CEP128: variants seen among roughly 807,000 people sequenced by gnomAD.
The protein encoded by CEP128 is centrosomal protein 128.
A neutral mutation model predicts 156.7 loss-of-function variants in CEP128; 132 were observed. The observed-to-expected ratio is 0.84, with a 90% CI of 0.73 to 0.97. The LOEUF is 0.97. CEP128 is among the 50% of genes least tolerant of loss of function. CEP128 has a pLI of 0.00. For missense variants in CEP128, 1,252 were observed against 1,281.9 expected (o/e 0.98, Z 0.36); for synonymous variants, 469 against 448.9 (o/e 1.04, Z -0.57).
intron 4 of CEP128, 55 bp downstream of exon 4, chr14:80,914,267 A>G: frequency 2.3e-6 from 3 of 1,315,972 alleles, no homozygotes; most frequent in Non-Finnish European, 2.2e-6. Context: ...TCCCCAAAAC[A>G]CTTCATTCCC....
chr14:80,844,261 G>A (rs955059236), intron 9 of CEP128, among the ~76,000 whole-genome samples: 1 of 151,854 alleles, frequency 6.6e-6, no homozygotes, highest in Non-Finnish European at 1.5e-5. Flanking sequence ...AAATAGCTAG[G>A]TGGGTATTAC....
intron 2 of CEP128, among the ~76,000 whole-genome samples, chr14:80,919,118 C>CTA (rs920092217): frequency 1.3e-5 from 2 of 152,044 alleles, no homozygotes; most frequent in Admixed American, 6.5e-5. Flanking sequence ...AATGTGCTTA[C>CTA]TATAATAGTT....
chr14:80,756,808 A>G (rs973343733), intron 18 of CEP128, 84 bp downstream of exon 18: 6 of 858,484 alleles, frequency 7.0e-6, no homozygotes, highest in African/African-American at 3.4e-5. Context: ...GTTCAGTTAC[A>G]TAACAAAATA....
intron 19 of CEP128, among the ~76,000 whole-genome samples, chr14:80,642,089 C>CAAAAAA (rs71103870): frequency 1.1e-5 from 1 of 91,516 alleles, no homozygotes; most frequent in Non-Finnish European, 2.0e-5. Context: ...GACTCCGTTT[C>CAAAAAA]AAAAAAAAAA....
intron 20 of CEP128, among the ~76,000 whole-genome samples, chr14:80,567,590 T>C (rs79468357): frequency 0.011 from 1,612 of 152,268 alleles, 11 homozygotes; most frequent in Non-Finnish European, 0.017. Flanking sequence ...TCAAGATTCT[T>C]CCTTTAAAGC....
chr14:80,650,731 C>A (rs1416286551), intron 19 of CEP128, among the ~76,000 whole-genome samples: 1 of 152,082 alleles, frequency 6.6e-6, no homozygotes, highest in Non-Finnish European at 1.5e-5. Flanking sequence ...TATTGATTTG[C>A]ATATATTGAA....
rs533130410 is a variant in CEP128, at chr14:80,755,492, C to T, written c.2613+1400G>A. Among the ~76,000 whole-genome samples the T allele has an allele frequency of 1.5e-4, 23 of 152,240 alleles. No homozygotes were observed. The South Asian group carries it at 3.9e-3, about 26-fold the overall frequency. ...GGACTTCATAATTTTATTATGCCAC[C>T]AGTGCCAACAAAGCAACTGTGTGCA... On this transcript the variant is annotated intron_variant, in intron 18 of 24. Coordinates refer to ENST00000555265, the MANE Select transcript of CEP128 (RefSeq NM_152446.5).
At chr14:80,771,665 G>C (rs1371596208) in intron 16 of CEP128, among the ~76,000 whole-genome samples, 1 of 152,072 alleles carries the variant, frequency 6.6e-6, no homozygotes, top group Admixed American at 6.5e-5. Context: ...ATAATTTCTG[G>C]TCTTAAACTA....
At chr14:80,689,571 T>C (rs911195684) in intron 19 of CEP128, among the ~76,000 whole-genome samples, 13 of 152,292 alleles carry the variant, frequency 8.5e-5, no homozygotes, top group Admixed American at 6.5e-4. Context: ...TGTATTTAAA[T>C]AATAAAATTG....
chr14:80,656,989 G>A (rs1300741653), intron 19 of CEP128, among the ~76,000 whole-genome samples: 2 of 152,160 alleles, frequency 1.3e-5, no homozygotes, highest in African/African-American at 4.8e-5. Flanking sequence ...GCCGGGCACG[G>A]TGACTCATCA....
chr14:80,621,962 G>A (rs1027295077), intron 19 of CEP128, among the ~76,000 whole-genome samples: 1 of 152,102 alleles, frequency 6.6e-6, no homozygotes, highest in African/African-American at 2.4e-5. Context: ...GTTTGTTTAT[G>A]AGCAGGTATA....
At chr14:80,921,569 T>C (rs77951617) in intron 2 of CEP128, among the ~76,000 whole-genome samples, 7,426 of 152,130 alleles carry the variant, frequency 0.049, 217 homozygotes, top group Middle Eastern at 0.078. Context: ...AACCAATATA[T>C]AAATTTAGAG....
chr14:80,657,939 ACT>A (rs1217449775), intron 19 of CEP128, among the ~76,000 whole-genome samples: 1 of 152,122 alleles, frequency 6.6e-6, no homozygotes, highest in Non-Finnish European at 1.5e-5. Context: ...GAAGGCAAGA[ACT>A]CTTACGTAAA....
At chr14:80,764,543 T>C (rs192965412) in intron 16 of CEP128, among the ~76,000 whole-genome samples, 2 of 152,146 alleles carry the variant, frequency 1.3e-5, no homozygotes, top group East Asian at 1.9e-4. Flanking sequence ...AATTTCATTA[T>C]CCACTTCACT....
chr14:80,831,320 AG>A (rs767885105), intron 12 of CEP128, 26 bp from the exon 13 acceptor site: 5 of 1,610,580 alleles, frequency 3.1e-6, no homozygotes, highest in Admixed American at 3.4e-5. Context: ...GTAAGGCTCA[AG>A]GGTTGTTCTT....
At chr14:80,815,145 G>C (rs1269402334) in intron 13 of CEP128, among the ~76,000 whole-genome samples, 1 of 152,096 alleles carries the variant, frequency 6.6e-6, no homozygotes, top group Admixed American at 6.6e-5. Context: ...TGCTGAATAG[G>C]AGAAAATATT....
rs1173124868 is a variant in CEP128, at chr14:80,777,893, G to C, written c.2365C>G (p.Leu789Val). 6 of 1,603,184 alleles carry C rather than the reference G, an allele frequency of 3.7e-6. No individual in the cohort carries two copies. Among genetic ancestry groups the C allele is most frequent in the Non-Finnish European group, 5.1e-6 (6 of 1,172,304 alleles). Residue 789 changes from leucine to valine, a missense_variant, in exon 16 of 25, where the codon CTA becomes GTA. Coordinates refer to ENST00000555265, the MANE Select transcript of CEP128 (RefSeq NM_152446.5). The part of the protein sequence containing the change: ...KLKYQCLKDQ[L>V]EEREKHISIE... ...ACTCATATTTTTACCCTTTCTTCTA[G>C]TTGATCCTTCAAACATTGATATTTT...
intron 14 of CEP128, among the ~76,000 whole-genome samples, chr14:80,482,442 T>C (rs1486759486): frequency 6.6e-6 from 1 of 152,182 alleles, no homozygotes; most frequent in Non-Finnish European, 1.5e-5. Flanking sequence ...TAACATGAAG[T>C]CCAAAGGCAT....
chr14:80,605,231 G>T (rs1035905511), intron 19 of CEP128, among the ~76,000 whole-genome samples: 4 of 152,028 alleles, frequency 2.6e-5, no homozygotes, highest in Non-Finnish European at 4.4e-5. Context: ...TTGCTGCATG[G>T]TCTCTAAGTG....
Sources: allele counts gnomAD v4.1 joint callset (sites outside exome capture counted in the v4.1 genomes callset), GRCh38; gene constraint gnomAD v4.1.1; transcripts MANE v1.5; gene names NCBI Gene and HGNC (gene_info 2026-07-23, HGNC 2026-07-21).